The following PRKN variants were observed in gnomAD, a reference collection of about 807,000 sequenced individuals.
PRKN encodes E3 ubiquitin-protein ligase parkin.
Under a neutral mutation model 59.5 loss-of-function variants are expected in PRKN, and 56 were observed. The ratio of observed to expected loss-of-function variants is 0.94; its 90% CI spans 0.76 to 1.18. PRKN has a LOEUF of 1.18. Among genes scored for constraint, PRKN ranks in the 50% most tolerant of loss-of-function variants. The pLI is 0.00. For synonymous variants in PRKN, 250 were observed against 222.1 expected, an observed-to-expected ratio of 1.13 and a Z score of -1.12; for missense variants, 657 against 596.4, an observed-to-expected ratio of 1.10 and a Z score of -1.06.
chr6:162,628,573 CAT>C (rs2128222164), intron 1 of PRKN, among the ~76,000 whole-genome samples: 1 of 151,674 alleles, frequency 6.6e-6, no homozygotes, highest in East Asian at 1.9e-4. Flanking sequence ...GGAGACAAAT[CAT>C]ATGTTCCAAC....
At chr6:162,250,443 A>G (rs571116433) in intron 3 of PRKN, among the ~76,000 whole-genome samples, 170 of 152,292 alleles carry the variant, frequency 1.1e-3, no homozygotes, top group Non-Finnish European at 2.2e-3. Flanking sequence ...CACATGCTAG[A>G]AAGAACTTTT....
intron 1 of PRKN, among the ~76,000 whole-genome samples, chr6:162,606,620 T>C (rs1197679877): frequency 1.3e-5 from 2 of 152,104 alleles, no homozygotes; most frequent in Non-Finnish European, 1.5e-5. Flanking sequence ...GAGTCACAGA[T>C]GGGAGGAAAA....
chr6:162,103,290 T>G (rs951163873), intron 4 of PRKN, among the ~76,000 whole-genome samples: 22 of 152,134 alleles, frequency 1.4e-4, no homozygotes, highest in Non-Finnish European at 2.4e-4. Flanking sequence ...GAAATTCCAT[T>G]TCACTTGTAA....
At chr6:162,382,937 G>C (rs1286733581) in intron 2 of PRKN, among the ~76,000 whole-genome samples, 1 of 152,104 alleles carries the variant, frequency 6.6e-6, no homozygotes, top group African/African-American at 2.4e-5. Flanking sequence ...TGCTTTCTTT[G>C]TTCATCCGTA....
intron 7 of PRKN, among the ~76,000 whole-genome samples, chr6:161,707,337 A>G (rs1786544976): frequency 6.6e-6 from 1 of 152,238 alleles, no homozygotes; most frequent in Non-Finnish European, 1.5e-5. Flanking sequence ...AGAGTACATC[A>G]TAATTGTGCG....
intron 3 of PRKN, among the ~76,000 whole-genome samples, chr6:162,257,541 G>C (rs896532905): frequency 3.3e-5 from 5 of 151,996 alleles, no homozygotes; most frequent in African/African-American, 1.2e-4. Flanking sequence ...GAAGTGAGAC[G>C]GTCCCTGGGT....
At chr6:162,023,262 T>C (rs1783281027) in intron 5 of PRKN, among the ~76,000 whole-genome samples, 1 of 152,098 alleles carries the variant, frequency 6.6e-6, no homozygotes, top group South Asian at 2.1e-4. Context: ...CACCTTGTGT[T>C]AATCAACTCA....
chr6:162,606,101 TGAA>T (rs985457648), intron 1 of PRKN, among the ~76,000 whole-genome samples: 1 of 152,264 alleles, frequency 6.6e-6, no homozygotes, highest in South Asian at 2.1e-4. Flanking sequence ...ACAGAATGTT[TGAA>T]GAAGAAGCAA....
chr6:162,519,165 C>T (rs188508217), intron 1 of PRKN, among the ~76,000 whole-genome samples: 81 of 152,070 alleles, frequency 5.3e-4, no homozygotes, highest in Middle Eastern at 3.4e-3. Flanking sequence ...AGCGAAACTC[C>T]GTCTCAAAAA....
At chr6:162,527,399 T>A (rs1583730255) in intron 1 of PRKN, among the ~76,000 whole-genome samples, 1 of 151,640 alleles carries the variant, frequency 6.6e-6, no homozygotes, top group Non-Finnish European at 1.5e-5. Context: ...CATTCGAGGA[T>A]TTTTTTTTCC....
chr6:162,641,582 T>C (rs1777960576), intron 1 of PRKN, among the ~76,000 whole-genome samples: 1 of 152,178 alleles, frequency 6.6e-6, no homozygotes, highest in Non-Finnish European at 1.5e-5. Context: ...TTTACATTTA[T>C]TTATCTTGTT....
chr6:162,595,319 A>G (rs1434186030), intron 1 of PRKN, among the ~76,000 whole-genome samples: 3 of 150,588 alleles, frequency 2.0e-5, no homozygotes, highest in Non-Finnish European at 4.4e-5. Context: ...GCAGTGGTGC[A>G]ATCTTGGCTC....
At position 161,593,715 on chromosome 6, in the gene PRKN, G is replaced by A. The variant is rs868503324; in HGVS notation, c.872-24299C>T. On this transcript the variant is annotated intron_variant, in intron 7 of 11. Coordinates refer to ENST00000366898, the MANE Select transcript of PRKN (RefSeq NM_004562.3). The surrounding 1 kb of genome is among the most constrained non-coding windows in gnomAD (Gnocchi z 4.8). The stretch of plus-strand genomic sequence containing the variant: ...ACTGGGGAAGAGCGAGAGAGGGCTC[G>A]AGGAGTTCTGCTTCGGATGCCACAT... Among the ~76,000 whole-genome samples, 24 of 152,174 alleles carry A rather than the reference G, an allele frequency of 1.6e-4. No homozygotes were observed. Among genetic ancestry groups the A allele is most frequent in the Admixed American group, 3.9e-4 (6 of 15,280 alleles).
At chr6:162,147,020 C>T (rs1006839310) in intron 4 of PRKN, among the ~76,000 whole-genome samples, 15 of 150,644 alleles carry the variant, frequency 1.0e-4, no homozygotes, top group Admixed American at 2.6e-4. Flanking sequence ...CCTGAGCTAC[C>T]GTGCCCGGCC....
At chr6:161,999,519 T>C (rs1458873316) in intron 5 of PRKN, among the ~76,000 whole-genome samples, 1 of 152,130 alleles carries the variant, frequency 6.6e-6, no homozygotes, top group Non-Finnish European at 1.5e-5. Flanking sequence ...GGCACGTCCA[T>C]TTATGCAATG....
At position 161,738,490 on chromosome 6, in the gene PRKN, C is replaced by A. The variant is rs1014397596; in HGVS notation, c.871+47282G>T. ...TATTGAAGGAAAGGAAGTAACATGA[C>A]ATTATTGTCTTTAAGGTAACATAGC... On this transcript the variant is annotated intron_variant, in intron 7 of 11. Coordinates refer to ENST00000366898, the MANE Select transcript of PRKN (RefSeq NM_004562.3). Among the ~76,000 whole-genome samples the A allele has an allele frequency of 2.0e-5, 3 of 152,176 alleles. No homozygotes were observed. In the East Asian group the frequency reaches 5.8e-4, roughly 29 times the overall value.
At chr6:161,479,525 A>T (rs372287368) in intron 9 of PRKN, among the ~76,000 whole-genome samples, 1 of 152,218 alleles carries the variant, frequency 6.6e-6, no homozygotes. Flanking sequence ...TGAGGGAACC[A>T]GCAATGCTGG....
intron 1 of PRKN, among the ~76,000 whole-genome samples, chr6:162,502,634 T>C (rs887913382): frequency 1.3e-5 from 2 of 152,180 alleles, no homozygotes; most frequent in Non-Finnish European, 2.9e-5. Flanking sequence ...TATTTTCATT[T>C]AAAATTATAA....
intron 7 of PRKN, among the ~76,000 whole-genome samples, chr6:161,731,780 A>G (rs1271319489): frequency 6.6e-6 from 1 of 152,208 alleles, no homozygotes; most frequent in Non-Finnish European, 1.5e-5. Flanking sequence ...AGCACTAAAT[A>G]TGTCTAAGCA....
Sources: gnomAD v4.1 joint callset for allele counts (sites outside exome capture counted in the v4.1 genomes callset) on GRCh38, gnomAD v4.1.1 for gene constraint, Gnocchi (gnomAD v3.1) non-coding constraint, MANE v1.5 for transcripts, NCBI Gene and HGNC (gene_info 2026-07-23, HGNC 2026-07-21) for gene names.